TRHDE: variants seen among roughly 807,000 people sequenced by gnomAD.
The protein encoded by TRHDE is thyrotropin-releasing hormone-degrading ectoenzyme.
In TRHDE, 72 loss-of-function variants were observed where a neutral mutation model predicts 125.7. The observed-to-expected ratio is 0.57, with a 90% CI of 0.47 to 0.70. TRHDE has a LOEUF of 0.70. Among genes scored for constraint, TRHDE ranks in the 30% least tolerant of loss-of-function variants. The pLI, the probability that TRHDE is intolerant of heterozygous loss-of-function variation, is 0.00. For missense variants in TRHDE, 1,110 were observed against 1,327.1 expected (o/e 0.84, Z 2.54); for synonymous variants, 509 against 509.1 (o/e 1.00, Z 0.00).
chr12:72,627,466 A>G (rs1358137068), intron 15 of TRHDE, among the ~76,000 whole-genome samples: 1 of 151,894 alleles, frequency 6.6e-6, no homozygotes, highest in African/African-American at 2.4e-5. Context: ...AAGAGTCTTT[A>G]AAGAAGAAAA....
At chr12:72,246,217 A>G (rs1418587632) in intron 2 of TRHDE, among the ~76,000 whole-genome samples, 3 of 151,440 alleles carry the variant, frequency 2.0e-5, no homozygotes, top group Non-Finnish European at 4.4e-5. Context: ...ACAATGAAAA[A>G]AAATTTCCCT....
At chr12:72,529,996 C>T (rs1006597024) in intron 6 of TRHDE, among the ~76,000 whole-genome samples, 7 of 152,146 alleles carry the variant, frequency 4.6e-5, no homozygotes, top group African/African-American at 1.7e-4. Flanking sequence ...ATGATATAGG[C>T]CAATGCCTCC....
chr12:72,478,373 G>A (rs767226228), intron 5 of TRHDE, among the ~76,000 whole-genome samples: 17 of 152,054 alleles, frequency 1.1e-4, no homozygotes, highest in East Asian at 1.9e-4. Flanking sequence ...CTCTGACTGC[G>A]TTTTCCTTTC....
chr12:72,327,102 A>T (rs768446402), intron 2 of TRHDE, among the ~76,000 whole-genome samples: 1 of 152,018 alleles, frequency 6.6e-6, no homozygotes, highest in Non-Finnish European at 1.5e-5. Context: ...TCCTTGTGAG[A>T]ACTTTTATCT....
intron 12 of TRHDE, chr12:72,582,493 T>TC (rs1437447655): frequency 2.0e-6 from 2 of 985,314 alleles, no homozygotes; most frequent in Non-Finnish European, 2.4e-6. Flanking sequence ...TGGATGGCTC[T>TC]CTTGTACCTC....
rs755194455 is a variant in TRHDE, at chr12:72,387,010, G to C, written c.1315+8889G>C. On this transcript the variant is annotated intron_variant, in intron 3 of 18. Transcript: ENST00000261180. ...ATCTCTTCTCTTTGCTATTTACATT[G>C]GTAGTGGCCTCCCTTGGTTACCTCA... Among the ~76,000 whole-genome samples, 20 of 152,084 alleles carry C rather than the reference G, an allele frequency of 1.3e-4. No individual in the cohort carries two copies. The East Asian group carries it at 3.3e-3, about 25-fold the overall frequency.
intron 2 of TRHDE, among the ~76,000 whole-genome samples, chr12:72,157,941 G>C (rs1876553815): frequency 6.6e-6 from 1 of 152,136 alleles, no homozygotes; most frequent in Non-Finnish European, 1.5e-5. Context: ...AAAGGCAAGA[G>C]GTAGGAGAAA....
intron 1 of TRHDE, among the ~76,000 whole-genome samples, chr12:72,284,542 C>CA (rs1346983490): frequency 1.3e-5 from 2 of 151,978 alleles, no homozygotes; most frequent in Non-Finnish European, 2.9e-5. Context: ...TACTAATCAG[C>CA]AAAAAATAGT....
At chr12:72,596,220 T>C (rs1191364984) in intron 12 of TRHDE, among the ~76,000 whole-genome samples, 1 of 152,178 alleles carries the variant, frequency 6.6e-6, no homozygotes, top group Non-Finnish European at 1.5e-5. Flanking sequence ...ATATTAACTT[T>C]AGTAGTTTTG....
Position 72,315,528 on chromosome 12 carries a change from A to G in TRHDE, c.1188+28574A>G, listed in dbSNP as rs1173467907. Among the ~76,000 whole-genome samples the G allele has an allele frequency of 2.0e-5, 3 of 152,220 alleles. No homozygotes were observed. In the East Asian group the frequency reaches 5.8e-4, roughly 29 times the overall value. ...GCCATCTAAATACTTAAAACAGTAA[A>G]GTGCTGCAGGATATTAAGACATGTA... On this transcript the variant is annotated intron_variant, in intron 2 of 18. Coordinates refer to ENST00000261180, the MANE Select transcript of TRHDE (RefSeq NM_013381.3).
At chr12:72,377,762 A>C (rs1410314279) in intron 2 of TRHDE, among the ~76,000 whole-genome samples, 1 of 152,146 alleles carries the variant, frequency 6.6e-6, no homozygotes, top group Admixed American at 6.6e-5. Context: ...AATCTTCTCA[A>C]TGTCATCTTG....
chr12:72,626,368 T>C (rs183039783), intron 15 of TRHDE, among the ~76,000 whole-genome samples: 1 of 152,054 alleles, frequency 6.6e-6, no homozygotes, highest in African/African-American at 2.4e-5. Flanking sequence ...TCTTCAGAGT[T>C]ACCCTCTACT....
chr12:72,242,145 T>C (rs1878494819), intron 2 of TRHDE, among the ~76,000 whole-genome samples: 1 of 152,238 alleles, frequency 6.6e-6, no homozygotes, highest in African/African-American at 2.4e-5. Flanking sequence ...TTTAAAAAGA[T>C]AATGTTCATC....
intron 15 of TRHDE, among the ~76,000 whole-genome samples, chr12:72,630,742 T>A (rs1034960461): frequency 6.6e-6 from 1 of 151,652 alleles, no homozygotes; most frequent in Non-Finnish European, 1.5e-5. Context: ...AGGATGCAGT[T>A]TCTTCTTGTT....
intron 3 of TRHDE, among the ~76,000 whole-genome samples, chr12:72,442,836 C>A (rs1454857721): frequency 3.3e-5 from 5 of 151,786 alleles, no homozygotes; most frequent in Non-Finnish European, 7.4e-5. Context: ...TATCAGTCAT[C>A]CAATTTCACA....
chr12:72,164,528 A>C lies in TRHDE; in HGVS notation n.279+58776A>C, dbSNP rs112176463. Among the ~76,000 whole-genome samples, 6 of 152,264 alleles carry C rather than the reference A, an allele frequency of 3.9e-5. 1 individual carries two copies. Among genetic ancestry groups the C allele is most frequent in the Admixed American group, 1.3e-4 (2 of 15,306 alleles). The stretch of plus-strand genomic sequence containing the variant: ...CTGAACAGAACTACCTTACTTACAG[A>C]AATGATCCTGTGGTGGCAGGCTGGA... On this transcript the variant is annotated intron_variant and non_coding_transcript_variant, in intron 2 of 4. Coordinates refer to the TRHDE transcript ENST00000548156.
chr12:72,147,765 C>G (rs1421896703), intron 2 of TRHDE: 1 of 152,232 alleles, frequency 6.6e-6, no homozygotes, highest in Non-Finnish European at 1.5e-5. Context: ...TTGGCACTTA[C>G]TTATTGCCAT....
At chr12:72,565,201 A>G (rs1399061310) in intron 9 of TRHDE, among the ~76,000 whole-genome samples, 1 of 152,164 alleles carries the variant, frequency 6.6e-6, no homozygotes, top group Non-Finnish European at 1.5e-5. Flanking sequence ...TTATTTTACA[A>G]TGCAAACAGT....
At chr12:72,316,788 C>T (rs1868824429) in intron 2 of TRHDE, among the ~76,000 whole-genome samples, 1 of 152,148 alleles carries the variant, frequency 6.6e-6, no homozygotes, top group Non-Finnish European at 1.5e-5. Flanking sequence ...TTAAGTGACT[C>T]TGTAGTCTCT....
Sources: allele counts gnomAD v4.1 joint callset (sites outside exome capture counted in the v4.1 genomes callset), GRCh38; gene constraint gnomAD v4.1.1; transcripts MANE v1.5; gene names NCBI Gene and HGNC (gene_info 2026-07-23, HGNC 2026-07-21).